The following LRRC4C variants were observed in gnomAD, a reference collection of about 807,000 sequenced individuals.
The protein encoded by LRRC4C is leucine-rich repeat-containing protein 4C.
LRRC4C carries 5 observed loss-of-function variants against 33.6 expected under a neutral mutation model. That is an observed-to-expected ratio of 0.15 (90% CI 0.08 to 0.31). The LOEUF is 0.31. Among genes scored for constraint, LRRC4C ranks in the 10% least tolerant of loss-of-function variants. The pLI is 1.00. For missense variants in LRRC4C, 560 were observed against 796.7 expected (o/e 0.70, Z 3.58); for synonymous variants, 329 against 302.0 (o/e 1.09, Z -0.93).
chr11:41,013,803 C>G (rs1855385960), intron 1 of LRRC4C, among the ~76,000 whole-genome samples: 1 of 152,116 alleles, frequency 6.6e-6, no homozygotes. Flanking sequence ...GTTCTGCAAA[C>G]TCTACAGTAA....
chr11:40,750,631 A>T lies in LRRC4C; in HGVS notation c.-406-102353T>A, dbSNP rs1948643271. 3.9e-5 allele frequency among the ~76,000 whole-genome samples: 5 copies of T among 129,768 alleles called. No homozygotes were observed. The South Asian group carries it at 1.3e-3, about 34-fold the overall frequency. The allele number at this position is 129,768 out of a possible 152,430, so 85.1% of individuals were successfully genotyped here. ...AGAACACATGGACACAGGAAGAGGA[A>T]CATCACACATCGGGACTGTTGTGGG... On this transcript the variant is annotated intron_variant, in intron 2 of 6. Coordinates refer to ENST00000528697, the MANE Select transcript of LRRC4C (RefSeq NM_001258419.2).
chr11:40,777,426 T>A (rs557030086), intron 2 of LRRC4C, among the ~76,000 whole-genome samples: 11 of 152,220 alleles, frequency 7.2e-5, no homozygotes, highest in African/African-American at 2.6e-4. Flanking sequence ...TGTATATGTT[T>A]GGGATAGTTA....
chr11:40,291,695 C>T (rs748236086), intron 4 of LRRC4C, among the ~76,000 whole-genome samples: 4 of 152,190 alleles, frequency 2.6e-5, no homozygotes, highest in South Asian at 2.1e-4. Flanking sequence ...CCTCCACCCA[C>T]GCACCAGCCA....
At chr11:41,403,228 GT>G (rs1396257370) in intron 1 of LRRC4C, among the ~76,000 whole-genome samples, 3 of 151,996 alleles carry the variant, frequency 2.0e-5, no homozygotes, top group South Asian at 2.1e-4. Context: ...AATTATTTAA[GT>G]ATATCAGCCA....
At chr11:40,305,499 A>T (rs2136698920) in intron 4 of LRRC4C, among the ~76,000 whole-genome samples, 1 of 152,240 alleles carries the variant, frequency 6.6e-6, no homozygotes. Flanking sequence ...CGAGGTAGAG[A>T]TTTGAGAAGG....
intron 3 of LRRC4C, among the ~76,000 whole-genome samples, chr11:40,575,858 G>T (rs1958170106): frequency 6.6e-6 from 1 of 152,098 alleles, no homozygotes; most frequent in South Asian, 2.1e-4. Flanking sequence ...CTTCACACAG[G>T]AATGGGTTGT....
rs911102036 is a variant in LRRC4C at position 40,333,475 on chromosome 11, G to T, written c.-269-13754C>A. Among the ~76,000 whole-genome samples the T allele has an allele frequency of 8.6e-5, 13 of 151,960 alleles. No individual in the cohort carries two copies. The South Asian group carries it at 1.0e-3, about 12-fold the overall frequency. On this transcript the variant is annotated intron_variant, in intron 3 of 6. Transcript: ENST00000528697. ...CTCACACCTGTAATCCTAGCACTTT[G>T]GGAGGCTGAAGTGGGAGGATCACCT...
At chr11:41,096,710 A>T (rs978231363) in intron 1 of LRRC4C, among the ~76,000 whole-genome samples, 1 of 152,120 alleles carries the variant, frequency 6.6e-6, no homozygotes, top group Non-Finnish European at 1.5e-5. Context: ...TACAATGTGA[A>T]TGCAAACGGC....
At chr11:40,761,149 T>C (rs916760426) in intron 2 of LRRC4C, among the ~76,000 whole-genome samples, 3 of 152,000 alleles carry the variant, frequency 2.0e-5, no homozygotes, top group Non-Finnish European at 2.9e-5. Context: ...GGAGAACATA[T>C]AGTGTTCGCC....
At chr11:40,992,346 T>C (rs1170026687) in intron 1 of LRRC4C, among the ~76,000 whole-genome samples, 2 of 152,004 alleles carry the variant, frequency 1.3e-5, no homozygotes, top group Admixed American at 6.5e-5. Flanking sequence ...AGAATTACTA[T>C]CATTATTTTA....
intron 3 of LRRC4C, among the ~76,000 whole-genome samples, chr11:40,540,819 T>C (rs1956678477): frequency 6.6e-6 from 1 of 152,188 alleles, no homozygotes; most frequent in Admixed American, 6.6e-5. Flanking sequence ...CTCTCTTCTA[T>C]AGAAAGGTCC....
intron 1 of LRRC4C, among the ~76,000 whole-genome samples, chr11:41,150,801 TAAAATA>T (rs1474026848): frequency 4.1e-5 from 6 of 147,098 alleles, no homozygotes; most frequent in Non-Finnish European, 7.4e-5. Context: ...TAAAATAAAA[TAAAATA>T]AAATAAAATA....
intron 1 of LRRC4C, among the ~76,000 whole-genome samples, chr11:41,332,395 CA>C (rs1204070771): frequency 6.6e-6 from 1 of 152,076 alleles, no homozygotes; most frequent in African/African-American, 2.4e-5. Flanking sequence ...ACAAGCAAAG[CA>C]AAATCTGCAA....
intron 1 of LRRC4C, among the ~76,000 whole-genome samples, chr11:41,145,763 A>C (rs7107996): frequency 0.012 from 1,803 of 152,296 alleles, 31 homozygotes; most frequent in African/African-American, 0.04. Context: ...GTGTTTATAG[A>C]GCATTTTCAT....
intron 1 of LRRC4C, among the ~76,000 whole-genome samples, chr11:41,127,710 G>A (rs1023026814): frequency 5.6e-5 from 8 of 141,842 alleles, no homozygotes; most frequent in African/African-American, 1.8e-4. Flanking sequence ...TTTAATTGCC[G>A]TGCTTGAGTC....
At chr11:40,923,244 G>A (rs1319856986) in intron 2 of LRRC4C, among the ~76,000 whole-genome samples, 7 of 152,154 alleles carry the variant, frequency 4.6e-5, no homozygotes, top group Non-Finnish European at 4.4e-5. Flanking sequence ...AACAATCAAC[G>A]TGAGAAAAAT....
chr11:41,133,024 CAAT>C (rs1422355219), intron 1 of LRRC4C, among the ~76,000 whole-genome samples: 1 of 152,110 alleles, frequency 6.6e-6, no homozygotes, highest in Non-Finnish European at 1.5e-5. Context: ...CAGAAGATAA[CAAT>C]AATGTCTTTT....
chr11:41,354,123 A>C (rs747840188), intron 1 of LRRC4C, among the ~76,000 whole-genome samples: 20 of 152,320 alleles, frequency 1.3e-4, no homozygotes, highest in South Asian at 8.3e-4. Context: ...ATACCTAGAA[A>C]ACCCCATAGT....
intron 2 of LRRC4C, among the ~76,000 whole-genome samples, chr11:40,763,790 C>T (rs955860090): frequency 6.6e-6 from 1 of 152,174 alleles, no homozygotes; most frequent in Admixed American, 6.5e-5. Context: ...GACAAGTTGT[C>T]CATTTCAGTA....
Sources: allele counts gnomAD v4.1 joint callset (sites outside exome capture counted in the v4.1 genomes callset), GRCh38; gene constraint gnomAD v4.1.1; transcripts MANE v1.5; gene names NCBI Gene and HGNC (gene_info 2026-07-23, HGNC 2026-07-21).